Variants in PRRG1 observed in about 807,000 individuals in gnomAD.
PRRG1 encodes transmembrane gamma-carboxyglutamic acid protein 1.
PRRG1 carries 5 observed loss-of-function variants against 11.8 expected under a neutral mutation model. The observed-to-expected ratio is 0.42, with a 90% confidence interval of 0.22 to 0.89. The LOEUF is 0.89. Ranked by LOEUF, PRRG1 falls within the 40% of genes least tolerant of loss-of-function variation. The probability of loss-of-function intolerance (pLI) is 0.28; values close to 1 mark genes in which losing one functional copy is unlikely to be tolerated. For missense variants in PRRG1, 155 were observed against 166.1 expected (o/e 0.93, Z 0.37); for synonymous variants, 66 against 60.4 (o/e 1.09, Z -0.43).
At chrX:37,399,692 G>A (rs1231002813) in intron 1 of PRRG1, among the ~76,000 whole-genome samples, 3 of 103,670 alleles carry the variant, frequency 2.9e-5, no homozygotes, top group Non-Finnish European at 5.9e-5. Flanking sequence ...CTGGCAAATT[G>A]GATAAAGAGT....
chrX:37,392,712 AAAAT>A (rs1203151867), intron 1 of PRRG1, among the ~76,000 whole-genome samples: 2 of 109,587 alleles, frequency 1.8e-5, no homozygotes, highest in Non-Finnish European at 3.8e-5. Flanking sequence ...GTATCCTCCC[AAAAT>A]AAATAAACCC....
intron 3 of PRRG1, among the ~76,000 whole-genome samples, chrX:37,432,735 A>G (rs1326947778): frequency 1.8e-5 from 2 of 112,010 alleles, no homozygotes; most frequent in Non-Finnish European, 3.8e-5. Flanking sequence ...TCATACTTCA[A>G]ATGCTAATAA....
intron 2 of PRRG1, among the ~76,000 whole-genome samples, chrX:37,421,495 C>T (rs940616972): frequency 1.3e-4 from 14 of 111,535 alleles, no homozygotes; most frequent in Non-Finnish European, 2.3e-4. Context: ...AGGAAGTGAT[C>T]ACTCAATTTA....
rs189780093 is a variant in PRRG1 at position 37,423,532 on chromosome X, T to G, written c.11-2308T>G. ...TAATTTTATTTTTTATTTTTTAATT[T>G]AATTTAATTTTAATTTTTTTGAGAT... On this transcript the variant is annotated intron_variant, in intron 2 of 3. Coordinates refer to ENST00000378628, the MANE Select transcript of PRRG1 (RefSeq NM_001142395.2). Among the ~76,000 whole-genome samples, 13 of 110,182 alleles carry G rather than the reference T, an allele frequency of 1.2e-4. No homozygotes were observed. The East Asian group carries it at 3.7e-3, about 31-fold the overall frequency.
intron 3 of PRRG1, among the ~76,000 whole-genome samples, chrX:37,431,799 G>C (rs782151822): frequency 2.0e-4 from 22 of 111,173 alleles, no homozygotes; most frequent in African/African-American, 7.2e-4. Flanking sequence ...ACAGATTCTC[G>C]CTCTGTTGCC....
intron 1 of PRRG1, chrX:37,403,905 C>T (rs1362393726): frequency 2.4e-5 from 8 of 331,768 alleles, no homozygotes; most frequent in African/African-American, 8.7e-5. Flanking sequence ...ATTACTGAAA[C>T]GCTCGGTGAG....
intron 2 of PRRG1, among the ~76,000 whole-genome samples, chrX:37,423,443 T>C (rs948856825): frequency 1.1e-3 from 122 of 110,883 alleles, no homozygotes; most frequent in African/African-American, 3.7e-3. Context: ...AAAAACATTA[T>C]AGTAAGCCAA....
chrX:37,363,731 A>G (rs1930484207), intron 1 of PRRG1, among the ~76,000 whole-genome samples: 1 of 111,839 alleles, frequency 8.9e-6, no homozygotes, highest in Admixed American at 9.4e-5. Context: ...TCTGCTTCCA[A>G]AAGAAGGCTG....
At chrX:37,439,790 A>ATTTTT (rs1217686479) in intron 3 of PRRG1, among the ~76,000 whole-genome samples, 1 of 90,942 alleles carries the variant, frequency 1.1e-5, no homozygotes, top group Non-Finnish European at 2.0e-5. Flanking sequence ...CTGCTTTAAA[A>ATTTTT]TTCTTTTTTT....
At chrX:37,441,560 A>G in intron 3 of PRRG1, 1 of 765,813 alleles carries the variant, frequency 1.3e-6, no homozygotes, top group East Asian at 1.4e-4. Context: ...CGTCAGAACT[A>G]CCACCCCAAC....
intron 1 of PRRG1, among the ~76,000 whole-genome samples, chrX:37,395,936 T>A (rs1039795930): frequency 1.8e-5 from 2 of 111,871 alleles, no homozygotes; most frequent in Admixed American, 1.9e-4. Context: ...TTTTGTTTGG[T>A]ATTTTCTGAA....
intron 3 of PRRG1, among the ~76,000 whole-genome samples, chrX:37,426,741 A>G (rs1199417992): frequency 8.9e-6 from 1 of 112,640 alleles, no homozygotes; most frequent in Non-Finnish European, 1.9e-5. Flanking sequence ...GGAAAAGAAT[A>G]TATCATCCAT....
At chrX:37,412,871 G>A (rs1932386838) in intron 2 of PRRG1, among the ~76,000 whole-genome samples, 1 of 110,661 alleles carries the variant, frequency 9.0e-6, no homozygotes. Flanking sequence ...TTTTTTAATG[G>A]AGGCAAAATT....
At chrX:37,425,414 T>G (rs1932760643) in intron 2 of PRRG1, among the ~76,000 whole-genome samples, 1 of 111,772 alleles carries the variant, frequency 8.9e-6, no homozygotes, top group Non-Finnish European at 1.9e-5. Context: ...TATTACTAGG[T>G]CAACTGAAGT....
At chrX:37,406,316 G>A (rs1324776630) in intron 2 of PRRG1, 57 bp downstream of exon 2, 73 of 1,085,987 alleles carry the variant, frequency 6.7e-5, no homozygotes, top group Non-Finnish European at 6.3e-6. Flanking sequence ...ATTATAGTCA[G>A]GAAATTAAAT....
intron 1 of PRRG1, among the ~76,000 whole-genome samples, chrX:37,353,775 G>A (rs1930145217): frequency 8.9e-6 from 1 of 112,441 alleles, no homozygotes; most frequent in African/African-American, 3.2e-5. Flanking sequence ...GCTTAGGTGT[G>A]TAGTAAGCTA....
rs781804499 is a variant in PRRG1 at position 37,426,248 on chromosome X, C to T, written c.171+248C>T. Among the ~76,000 whole-genome samples, 4 of 111,091 alleles carry T rather than the reference C, an allele frequency of 3.6e-5. No individual in the cohort carries two copies. In the South Asian group the frequency reaches 1.1e-3, roughly 32 times the overall value. Reference sequence around the variant, plus strand: ...GCTGAGCGAGGATTTATCATCTTGGCGAGTAGGAAGGATTTGATTTGCACA... The same window carrying T: ...GCTGAGCGAGGATTTATCATCTTGGTGAGTAGGAAGGATTTGATTTGCACA... On this transcript the variant is annotated intron_variant, in intron 3 of 3. Transcript: ENST00000378628.
At chrX:37,354,946 C>A (rs1288946646) in intron 1 of PRRG1, among the ~76,000 whole-genome samples, 1 of 110,584 alleles carries the variant, frequency 9.0e-6, no homozygotes, top group Non-Finnish European at 1.9e-5. Flanking sequence ...CAGGGCCTTT[C>A]TGATGCCCAG....
intron 1 of PRRG1, among the ~76,000 whole-genome samples, chrX:37,361,511 C>A (rs1930415036): frequency 8.9e-6 from 1 of 111,842 alleles, no homozygotes; most frequent in East Asian, 2.8e-4. Context: ...ATAACAATTT[C>A]ACAATTTGAA....
Sources: allele counts gnomAD v4.1 joint callset (sites outside exome capture counted in the v4.1 genomes callset), GRCh38; gene constraint gnomAD v4.1.1; transcripts MANE v1.5; gene names NCBI Gene and HGNC (gene_info 2026-07-23, HGNC 2026-07-21).